Variants in AUTS2 observed in about 807,000 individuals in gnomAD.
AUTS2 encodes the protein autism susceptibility gene 2 protein.
AUTS2 carries 17 observed loss-of-function variants against 112.4 expected under a neutral mutation model. The ratio of observed to expected loss-of-function variants is 0.15; its 90% CI spans 0.10 to 0.23. The LOEUF is 0.23. AUTS2 is among the 10% of genes least tolerant of loss of function. AUTS2 has a pLI of 1.00. For synonymous variants in AUTS2, 751 were observed against 702.7 expected (o/e 1.07, Z -1.09); for missense variants, 1,510 against 1,701.6 (o/e 0.89, Z 1.98).
chr7:69,908,242 TCAGTCC>T (rs1795224566), intron 2 of AUTS2, among the ~76,000 whole-genome samples: 1 of 152,152 alleles, frequency 6.6e-6, no homozygotes. Flanking sequence ...TACTTAACCC[TCAGTCC>T]CATTAGACCT....
chr7:70,498,647 C>G (rs933050675), intron 5 of AUTS2, among the ~76,000 whole-genome samples: 6 of 152,074 alleles, frequency 3.9e-5, no homozygotes, highest in African/African-American at 1.2e-4. Flanking sequence ...TTAACTGGAG[C>G]CTGTTCAAAC....
intron 5 of AUTS2, among the ~76,000 whole-genome samples, chr7:70,557,230 G>T (rs1452764226): frequency 6.6e-6 from 1 of 152,120 alleles, no homozygotes. Context: ...TGAACCTGCC[G>T]GATGCACAAT....
chr7:69,775,628 T>C (rs1788858886), intron 1 of AUTS2, among the ~76,000 whole-genome samples: 1 of 152,006 alleles, frequency 6.6e-6, no homozygotes, highest in Non-Finnish European at 1.5e-5. Flanking sequence ...GGGAAGTTGT[T>C]GATGGGGATG....
At chr7:70,458,993 A>G (rs1327295929) in intron 5 of AUTS2, among the ~76,000 whole-genome samples, 3 of 152,244 alleles carry the variant, frequency 2.0e-5, no homozygotes, top group Non-Finnish European at 4.4e-5. Context: ...AGAGACAGCC[A>G]CAATGCAGAC....
At position 69,910,861 on chromosome 7, in the gene AUTS2, C is replaced by T. The variant is rs972294093; in HGVS notation, c.522+11363C>T. On this transcript the variant is annotated intron_variant, in intron 2 of 18. Transcript: ENST00000342771. ...CAGGCTAGTCTTGAACTCCTGACCTCGTGATCCGCCCGCCTCGGCCTCTCA... is the reference window on the plus strand; with the variant it reads ...CAGGCTAGTCTTGAACTCCTGACCTTGTGATCCGCCCGCCTCGGCCTCTCA... Among the ~76,000 whole-genome samples the T allele has an allele frequency of 5.9e-5, 9 of 152,096 alleles. No individual in the cohort carries two copies. In the South Asian group the frequency reaches 6.2e-4, roughly 11 times the overall value.
intron 4 of AUTS2, among the ~76,000 whole-genome samples, chr7:70,243,232 TGTGTGTG>T (rs1456863644): frequency 2.6e-3 from 17 of 6,430 alleles, no homozygotes; most frequent in African/African-American, 7.4e-3. Flanking sequence ...AATGTATCCT[TGTGTGTG>T]TGTGTGTGTG....
intron 5 of AUTS2, among the ~76,000 whole-genome samples, chr7:70,652,729 A>T (rs1252247870): frequency 1.3e-5 from 2 of 151,690 alleles, no homozygotes; most frequent in South Asian, 2.1e-4. Context: ...TTACTTTTTT[A>T]AAAAAAGAAT....
At chr7:70,736,719 G>C (rs907411076) in intron 6 of AUTS2, among the ~76,000 whole-genome samples, 2 of 152,302 alleles carry the variant, frequency 1.3e-5, no homozygotes, top group East Asian at 3.9e-4. Flanking sequence ...GGGGAATGAG[G>C]AACAACAGTG....
intron 4 of AUTS2, among the ~76,000 whole-genome samples, chr7:70,219,289 C>T (rs1584892067): frequency 6.6e-6 from 1 of 152,300 alleles, no homozygotes; most frequent in East Asian, 1.9e-4. Context: ...TGACAAGTGG[C>T]CCTCTGCCAT....
chr7:70,168,734 C>G (rs1808515178), intron 4 of AUTS2, among the ~76,000 whole-genome samples: 1 of 152,074 alleles, frequency 6.6e-6, no homozygotes, highest in African/African-American at 2.4e-5. Context: ...CTTTAAAAGT[C>G]TTGGTGTTTA....
intron 6 of AUTS2, among the ~76,000 whole-genome samples, chr7:70,728,308 C>T (rs1787151737): frequency 1.3e-5 from 2 of 152,138 alleles, no homozygotes; most frequent in Admixed American, 1.3e-4. Flanking sequence ...TAAACTTATC[C>T]TTAAAGTGCA....
chr7:69,691,797 G>T lies in AUTS2; in HGVS notation c.309+91835G>T, dbSNP rs565317146. ...TGCCTCCCCTGCTGCAGCATGGGCC[G>T]CTGCTGCCATCATCAGTGGGACCCA... On this transcript the variant is annotated intron_variant, in intron 1 of 18. Coordinates refer to ENST00000342771, the MANE Select transcript of AUTS2 (RefSeq NM_015570.4). Among the ~76,000 whole-genome samples, 10 of 152,176 alleles carry T rather than the reference G, an allele frequency of 6.6e-5. No individual in the cohort carries two copies. In the South Asian group the frequency reaches 1.7e-3, roughly 25 times the overall value.
At chr7:70,009,260 C>G (rs1355007003) in intron 2 of AUTS2, among the ~76,000 whole-genome samples, 2 of 152,178 alleles carry the variant, frequency 1.3e-5, no homozygotes, top group Non-Finnish European at 2.9e-5. Flanking sequence ...TTAATTCACT[C>G]ATGAAGGCAG....
At chr7:69,691,927 G>T (rs1797364798) in intron 1 of AUTS2, among the ~76,000 whole-genome samples, 2 of 152,148 alleles carry the variant, frequency 1.3e-5, no homozygotes, top group African/African-American at 4.8e-5. Flanking sequence ...TCCACCCATG[G>T]ATCTGAGCCA....
chr7:70,523,244 G>A (rs1202116712), intron 5 of AUTS2, among the ~76,000 whole-genome samples: 2 of 152,138 alleles, frequency 1.3e-5, no homozygotes, highest in East Asian at 3.9e-4. Flanking sequence ...TAGCTGTGAG[G>A]TGGTCAGACT....
At position 69,806,197 on chromosome 7, in the gene AUTS2, C is replaced by CTTTTT. The variant is rs56704400; in HGVS notation, c.310-93062_310-93058dup. Reference sequence around the variant, plus strand: ...TGGGAGCCACCATGCCCAGCCAAGGCTTTTTTTTTTTTTTTTTTTTTTTTT... The same window carrying CTTTTT: ...TGGGAGCCACCATGCCCAGCCAAGGCTTTTTTTTTTTTTTTTTTTTTTTTTTTTTT... On this transcript the variant is annotated intron_variant, in intron 1 of 18. Coordinates refer to ENST00000342771, the MANE Select transcript of AUTS2 (RefSeq NM_015570.4). 5.6e-4 allele frequency among the ~76,000 whole-genome samples: 31 copies of CTTTTT among 55,028 alleles called. 2 individuals are homozygous for CTTTTT. The highest frequency in any genetic ancestry group is 8.1e-4 in the African/African-American group (13 of 16,140). 36.1% of individuals were successfully genotyped at this position (55,028 alleles called of 152,430 possible).
intron 5 of AUTS2, among the ~76,000 whole-genome samples, chr7:70,693,701 C>A (rs1418347072): frequency 6.6e-6 from 1 of 152,260 alleles, no homozygotes; most frequent in African/African-American, 2.4e-5. Context: ...AGAGAGCCTG[C>A]TCTTTGCAGA....
chr7:69,622,583 C>T (rs955655867), intron 1 of AUTS2, among the ~76,000 whole-genome samples: 2 of 152,164 alleles, frequency 1.3e-5, no homozygotes, highest in African/African-American at 4.8e-5. Context: ...GGCTCCTAGA[C>T]TGTGCTGTGG....
At chr7:70,028,155 C>T (rs751283746) in intron 2 of AUTS2, among the ~76,000 whole-genome samples, 41 of 152,210 alleles carry the variant, frequency 2.7e-4, no homozygotes, top group South Asian at 1.7e-3. Flanking sequence ...CCTGCCAACA[C>T]AGCTGTATTC....
Sources: gnomAD v4.1 joint callset for allele counts (sites outside exome capture counted in the v4.1 genomes callset) on GRCh38, gnomAD v4.1.1 for gene constraint, MANE v1.5 for transcripts, NCBI Gene and HGNC (gene_info 2026-07-23, HGNC 2026-07-21) for gene names.